The following FGF1 variants were observed in gnomAD, a reference collection of about 807,000 sequenced individuals.
FGF1 encodes the protein beta-endothelial cell growth factor.
Under a neutral mutation model 13.4 loss-of-function variants are expected in FGF1, and 9 were observed. The ratio of observed to expected loss-of-function variants is 0.67; its 90% confidence interval spans 0.40 to 1.17. FGF1 has a LOEUF of 1.17. Among genes scored for constraint, FGF1 ranks in the 50% most tolerant of loss-of-function variants. FGF1 has a pLI of 0.01. For missense variants in FGF1, 156 were observed against 192.7 expected (o/e 0.81, Z 1.13); for synonymous variants, 93 against 79.0 (o/e 1.18, Z -0.94).
At chr5:142,638,125 C>T (rs1764591741) in intron 1 of FGF1, among the ~76,000 whole-genome samples, 1 of 152,056 alleles carries the variant, frequency 6.6e-6, no homozygotes, top group Non-Finnish European at 1.5e-5. Context: ...GTGACCCACT[C>T]TGCCCCCAAG....
chr5:142,678,163 A>G (rs1053282633), intron 1 of FGF1, among the ~76,000 whole-genome samples: 1 of 152,112 alleles, frequency 6.6e-6, no homozygotes, highest in Non-Finnish European at 1.5e-5. Context: ...CTTACCCCCC[A>G]AGAGGCCTCC....
upstream of FGF1, among the ~76,000 whole-genome samples, chr5:142,689,282 T>C (rs1751753814): frequency 1.3e-5 from 2 of 152,182 alleles, no homozygotes; most frequent in Non-Finnish European, 1.5e-5. Flanking sequence ...GGATGCTGCA[T>C]GCCACTCTCT....
chr5:142,681,393 T>C (rs1261455627), intron 1 of FGF1, among the ~76,000 whole-genome samples: 3 of 152,106 alleles, frequency 2.0e-5, no homozygotes, highest in Non-Finnish European at 4.4e-5. Flanking sequence ...TTGTTAGCAC[T>C]CTGTTTATTT....
At chr5:142,596,268 G>T (rs17223919) in intron 3 of FGF1, among the ~76,000 whole-genome samples, 158 of 151,826 alleles carry the variant, frequency 1.0e-3, no homozygotes, top group African/African-American at 3.8e-3. Flanking sequence ...CCAGGAGTTT[G>T]AGGCCAGTCT....
chr5:142,615,574 T>G (rs1037175575), intron 1 of FGF1, among the ~76,000 whole-genome samples: 1 of 152,226 alleles, frequency 6.6e-6, no homozygotes, highest in Admixed American at 6.5e-5. Context: ...CAATACATAT[T>G]GATTATCAAG....
At chr5:142,646,796 C>T (rs1373180565) in intron 1 of FGF1, among the ~76,000 whole-genome samples, 1 of 152,190 alleles carries the variant, frequency 6.6e-6, no homozygotes, top group Non-Finnish European at 1.5e-5. Context: ...CCGGCCTTTT[C>T]TCTCCTTTTC....
intron 1 of FGF1, among the ~76,000 whole-genome samples, chr5:142,642,516 T>C (rs1765361867): frequency 6.6e-6 from 1 of 152,194 alleles, no homozygotes; most frequent in Admixed American, 6.5e-5. Context: ...GATATCAAGA[T>C]ATGAAGAGGG....
intron 1 of FGF1, among the ~76,000 whole-genome samples, chr5:142,675,281 C>T (rs1225173000): frequency 6.6e-6 from 1 of 152,088 alleles, no homozygotes; most frequent in Non-Finnish European, 1.5e-5. Context: ...CCTAACGACC[C>T]AGGGGAGCAG....
At chr5:142,683,289 C>A (rs995012352) in intron 1 of FGF1, among the ~76,000 whole-genome samples, 17 of 152,096 alleles carry the variant, frequency 1.1e-4, no homozygotes, top group Admixed American at 1.1e-3. Flanking sequence ...GTGTCAGAGG[C>A]GTTCGAACCA....
At chr5:142,641,950 A>C (rs1354757124) in intron 1 of FGF1, among the ~76,000 whole-genome samples, 6 of 152,242 alleles carry the variant, frequency 3.9e-5, no homozygotes, top group African/African-American at 1.4e-4. Flanking sequence ...ATATGTAAAG[A>C]GAATCTTATG....
At chr5:142,672,492 T>C (rs1330053504) in intron 1 of FGF1, among the ~76,000 whole-genome samples, 2 of 150,934 alleles carry the variant, frequency 1.3e-5, no homozygotes, top group East Asian at 1.9e-4. Flanking sequence ...CAGGTCTTTT[T>C]CTGTACAGTT....
At chr5:142,688,514 C>T (rs1198807665), upstream of FGF1, among the ~76,000 whole-genome samples, 3 of 152,184 alleles carry the variant, frequency 2.0e-5, no homozygotes, top group Non-Finnish European at 2.9e-5. Context: ...TAATAGCCGT[C>T]GAAGCTGCTT....
intron 2 of FGF1, among the ~76,000 whole-genome samples, chr5:142,694,944 T>C (rs1752870295): frequency 6.6e-6 from 1 of 152,108 alleles, no homozygotes; most frequent in African/African-American, 2.4e-5. Context: ...CTAAAATACA[T>C]GTACTTCTTC....
At chr5:142,614,954 T>A (rs1324133318) in intron 1 of FGF1, among the ~76,000 whole-genome samples, 1 of 152,154 alleles carries the variant, frequency 6.6e-6, no homozygotes, top group Non-Finnish European at 1.5e-5. Flanking sequence ...ATCCTAGCTA[T>A]TTTCTAATGT....
chr5:142,681,950 G>A (rs72796624), intron 1 of FGF1, among the ~76,000 whole-genome samples: 21,026 of 152,172 alleles, frequency 0.14, 1,803 homozygotes, highest in Non-Finnish European at 0.19. Context: ...GTCTGAGTGC[G>A]CGTACATGTG....
intron 1 of FGF1, among the ~76,000 whole-genome samples, chr5:142,683,592 C>T (rs1406466691): frequency 2.0e-5 from 3 of 151,866 alleles, no homozygotes; most frequent in African/African-American, 4.8e-5. Flanking sequence ...TTTGGGAGGC[C>T]GGTTGGATCA....
intron 2 of FGF1, among the ~76,000 whole-genome samples, chr5:142,607,073 T>C (rs557273047): frequency 6.6e-6 from 1 of 152,320 alleles, no homozygotes; most frequent in Admixed American, 6.5e-5. Flanking sequence ...CACTTAGAGC[T>C]GGCCAAGACT....
chr5:142,664,451 A>G (rs1223824986), intron 1 of FGF1, among the ~76,000 whole-genome samples: 1 of 152,236 alleles, frequency 6.6e-6, no homozygotes, highest in Non-Finnish European at 1.5e-5. Context: ...GGGACGAATT[A>G]GATCGTGGAG....
chr5:142,611,510 C>T (rs114918797), intron 2 of FGF1, among the ~76,000 whole-genome samples: 10 of 152,266 alleles, frequency 6.6e-5, no homozygotes, highest in East Asian at 5.8e-4. Flanking sequence ...AAGCTTCTTT[C>T]GCAGAGTTTG....
Sources: gnomAD v4.1 joint callset for allele counts (sites outside exome capture counted in the v4.1 genomes callset) on GRCh38, gnomAD v4.1.1 for gene constraint, MANE v1.5 for transcripts, NCBI Gene and HGNC (gene_info 2026-07-23, HGNC 2026-07-21) for gene names.